NRXN3: variants seen among roughly 807,000 people sequenced by gnomAD.
NRXN3 encodes the protein neurexin III.
Under a neutral mutation model 137.6 loss-of-function variants are expected in NRXN3, and 32 were observed. That is an observed-to-expected ratio of 0.23 (90% CI 0.18 to 0.31). The LOEUF (loss-of-function observed/expected upper bound fraction) is 0.31, where lower values mean the gene tolerates loss of function less well. Among genes scored for constraint, NRXN3 ranks in the 10% least tolerant of loss-of-function variants. The pLI is 1.00. For synonymous variants in NRXN3, 798 were observed against 784.5 expected, an observed-to-expected ratio of 1.02 and a Z score of -0.29; for missense variants, 1,574 against 2,062.5, an observed-to-expected ratio of 0.76 and a Z score of 4.59.
intron 4 of NRXN3, among the ~76,000 whole-genome samples, chr14:78,547,434 G>A (rs781208209): frequency 1.3e-5 from 2 of 151,856 alleles, no homozygotes; most frequent in Non-Finnish European, 2.9e-5. Flanking sequence ...TCCTGACCTC[G>A]TGATCCACCC....
chr14:79,683,123 C>T (rs567632113), intron 17 of NRXN3, among the ~76,000 whole-genome samples: 57 of 152,184 alleles, frequency 3.7e-4, no homozygotes, highest in African/African-American at 7.2e-4. Context: ...CTTTAATGTT[C>T]GCTCAGAAAT....
intron 15 of NRXN3, among the ~76,000 whole-genome samples, chr14:79,169,074 G>T (rs549735425): frequency 6.6e-6 from 1 of 152,152 alleles, no homozygotes; most frequent in Non-Finnish European, 1.5e-5. Flanking sequence ...TGGTTTTCTA[G>T]ACTGTGGGTT....
chr14:79,152,463 A>G (rs2059887595), intron 15 of NRXN3, among the ~76,000 whole-genome samples: 1 of 152,014 alleles, frequency 6.6e-6, no homozygotes, highest in Non-Finnish European at 1.5e-5. Flanking sequence ...CAGATGCTAT[A>G]TTAGTCTGTT....
intron 16 of NRXN3, among the ~76,000 whole-genome samples, chr14:79,528,819 A>T (rs907168308): frequency 3.3e-5 from 5 of 152,206 alleles, no homozygotes; most frequent in African/African-American, 1.2e-4. Flanking sequence ...TATGCGATAT[A>T]ATAAGCTCAG....
chr14:78,878,905 A>C (rs2099120672), intron 10 of NRXN3, among the ~76,000 whole-genome samples: 1 of 151,888 alleles, frequency 6.6e-6, no homozygotes, highest in African/African-American at 2.4e-5. Context: ...CTCTCCTGCT[A>C]TGAGTTTGTT....
intron 6 of NRXN3, among the ~76,000 whole-genome samples, chr14:78,658,939 A>G (rs1253881526): frequency 6.6e-6 from 1 of 152,236 alleles, no homozygotes; most frequent in Non-Finnish European, 1.5e-5. Flanking sequence ...GAAGAAGAAA[A>G]CAAAAAGCAA....
rs185372260 is a variant in NRXN3, at chr14:78,389,845, C to T, written c.757+91985C>T. 5.4e-3 allele frequency among the ~76,000 whole-genome samples: 819 copies of T among 152,166 alleles called. 6 individuals are homozygous for T. The highest frequency in any genetic ancestry group is 9.1e-3 in the Non-Finnish European group (616 of 67,988). On this transcript the variant is annotated intron_variant, in intron 4 of 20. Coordinates refer to ENST00000335750, the MANE Select transcript of NRXN3 (RefSeq NM_001330195.2). ...CCAAGTCAGAGATTAGATAAATATT[C>T]ATTTGCGTTGTGTGATTTTTAAATT...
intron 1 of NRXN3, among the ~76,000 whole-genome samples, chr14:78,219,932 G>T (rs752416012): frequency 6.6e-6 from 1 of 152,054 alleles, no homozygotes; most frequent in Non-Finnish European, 1.5e-5. Flanking sequence ...GGGGATGGAG[G>T]GTAGAAGGGA....
At chr14:79,336,216 A>G (rs1400097738) in intron 15 of NRXN3, among the ~76,000 whole-genome samples, 3 of 152,294 alleles carry the variant, frequency 2.0e-5, no homozygotes, top group Middle Eastern at 3.4e-3. Context: ...TAGAATGCAT[A>G]AACTCCAATT....
intron 15 of NRXN3, among the ~76,000 whole-genome samples, chr14:79,447,181 A>G (rs1338726312): frequency 6.6e-6 from 1 of 152,212 alleles, no homozygotes; most frequent in African/African-American, 2.4e-5. Context: ...TAACCTCCAC[A>G]TCGTTCCTTC....
At chr14:78,872,360 T>G (rs1596743988) in intron 10 of NRXN3, among the ~76,000 whole-genome samples, 1 of 150,128 alleles carries the variant, frequency 6.7e-6, no homozygotes, top group Non-Finnish European at 1.5e-5. Flanking sequence ...TTGATAGCAT[T>G]CAGATTGCAG....
intron 16 of NRXN3, among the ~76,000 whole-genome samples, chr14:79,651,188 C>T (rs1318405998): frequency 1.3e-5 from 2 of 152,114 alleles, no homozygotes; most frequent in African/African-American, 2.4e-5. Context: ...CCTCCCGGTC[C>T]ACAGAGAAAG....
chr14:79,573,164 G>A (rs1024219633), intron 16 of NRXN3, among the ~76,000 whole-genome samples: 6 of 152,286 alleles, frequency 3.9e-5, no homozygotes, highest in Admixed American at 2.6e-4. Flanking sequence ...CACATTGAGA[G>A]TCCATGTATC....
chr14:79,795,807 T>C (rs2099159377), intron 19 of NRXN3, among the ~76,000 whole-genome samples: 1 of 152,206 alleles, frequency 6.6e-6, no homozygotes, highest in Non-Finnish European at 1.5e-5. Flanking sequence ...TTGATTGTTC[T>C]GGATAAGTTT....
At chr14:79,533,124 A>T (rs1601738699) in intron 16 of NRXN3, among the ~76,000 whole-genome samples, 1 of 152,240 alleles carries the variant, frequency 6.6e-6, no homozygotes, top group East Asian at 1.9e-4. Context: ...CATATTTAAC[A>T]TATATTTACT....
chr14:79,028,023 T>C (rs906980253), intron 15 of NRXN3, among the ~76,000 whole-genome samples: 2 of 152,202 alleles, frequency 1.3e-5, no homozygotes, highest in Non-Finnish European at 2.9e-5. Context: ...GATAATATTG[T>C]TTATCCTATT....
intron 11 of NRXN3, among the ~76,000 whole-genome samples, chr14:78,962,964 G>A (rs956519925): frequency 3.2e-4 from 49 of 152,020 alleles, no homozygotes; most frequent in African/African-American, 1.1e-3. Flanking sequence ...CACCCACCTC[G>A]ACCTCCCAAG....
At chr14:78,317,219 T>G (rs2078807652) in intron 4 of NRXN3, among the ~76,000 whole-genome samples, 1 of 152,148 alleles carries the variant, frequency 6.6e-6, no homozygotes, top group African/African-American at 2.4e-5. Context: ...TTTTTTGTTA[T>G]AGTCAGGTCC....
chr14:78,623,492 A>G (rs1194899346), intron 4 of NRXN3, among the ~76,000 whole-genome samples: 4 of 152,258 alleles, frequency 2.6e-5, no homozygotes, highest in African/African-American at 4.8e-5. Flanking sequence ...ACCATGCTAC[A>G]GTAGATGCCA....
Sources: allele counts gnomAD v4.1 joint callset (sites outside exome capture counted in the v4.1 genomes callset), GRCh38; gene constraint gnomAD v4.1.1; transcripts MANE v1.5; gene names NCBI Gene and HGNC (gene_info 2026-07-23, HGNC 2026-07-21).